INPP5D: variants seen among roughly 807,000 people sequenced by gnomAD.
INPP5D encodes the protein inositol polyphosphate-5-phosphatase D.
Under a neutral mutation model 122.9 loss-of-function variants are expected in INPP5D, and 33 were observed. That is an observed-to-expected ratio of 0.27 (90% CI 0.20 to 0.36). INPP5D has a LOEUF of 0.36. INPP5D is among the 10% of genes least tolerant of loss of function. The probability of loss-of-function intolerance (pLI) is 1.00; values close to 1 mark genes in which losing one functional copy is unlikely to be tolerated. For missense variants in INPP5D, 1,053 were observed against 1,412.7 expected (o/e 0.75, Z 4.08); for synonymous variants, 584 against 576.2 (o/e 1.01, Z -0.19).
intron 2 of INPP5D, among the ~76,000 whole-genome samples, chr2:233,088,710 C>T (rs1029707330): frequency 3.3e-5 from 5 of 152,220 alleles, no homozygotes; most frequent in South Asian, 2.1e-4. Flanking sequence ...CCAGTCAGCT[C>T]GCTGACACCA....
In INPP5D at chr2:233,183,815, C is replaced by T. The variant is rs1023128001; in HGVS notation, c.2162-593C>T. 1.3e-5 allele frequency among the ~76,000 whole-genome samples: 2 copies of T among 152,168 alleles called. No individual in the cohort carries two copies. The highest frequency in any genetic ancestry group is 4.8e-5 in the African/African-American group (2 of 41,432). On this transcript the variant is annotated intron_variant, in intron 19 of 26. Transcript: ENST00000445964. This position sits in a 1 kb window ranked among gnomAD's most constrained non-coding sequence, Gnocchi z 4.6. Reference sequence around the variant, plus strand: ...GAAGGAAAGGTTTGTTCATGGTCTCCGAACAAGTCTCTGTTCTGTGGCTCA... The same window carrying T: ...GAAGGAAAGGTTTGTTCATGGTCTCTGAACAAGTCTCTGTTCTGTGGCTCA...
At position 233,160,044 on chromosome 2, in the gene INPP5D, T is replaced by C. The variant is rs1694162161; in HGVS notation, c.1137+1625T>C. On this transcript the variant is annotated intron_variant, in intron 10 of 26. Coordinates refer to ENST00000445964, the MANE Select transcript of INPP5D (RefSeq NM_001017915.3). This position sits in a 1 kb window ranked among gnomAD's most constrained non-coding sequence, Gnocchi z 4.2. The stretch of plus-strand genomic sequence containing the variant: ...CCTGGGCATAGGTTCAAACACCAGC[T>C]CTGCCCCATTGCTGCGACCTCAAAA... Among the ~76,000 whole-genome samples the C allele has an allele frequency of 6.6e-6, 1 of 152,188 alleles. No homozygotes were observed. Among genetic ancestry groups the C allele is most frequent in the Admixed American group, 6.5e-5 (1 of 15,272 alleles).
chr2:233,104,128 A>C (rs550620594), intron 2 of INPP5D, among the ~76,000 whole-genome samples: 1 of 146,574 alleles, frequency 6.8e-6, no homozygotes, highest in Non-Finnish European at 1.5e-5. Flanking sequence ...CTCCTGCCTC[A>C]GCCTCTCAAG....
chr2:233,138,217 G>T (rs1413838885), intron 5 of INPP5D, among the ~76,000 whole-genome samples: 1 of 149,556 alleles, frequency 6.7e-6, no homozygotes, highest in Non-Finnish European at 1.5e-5. Flanking sequence ...GGGCGTGGTG[G>T]TGTATGCCTG....
intron 2 of INPP5D, among the ~76,000 whole-genome samples, chr2:233,093,458 A>G (rs1459899003): frequency 1.3e-5 from 2 of 152,132 alleles, no homozygotes; most frequent in African/African-American, 4.8e-5. Context: ...AGGCAGGCAG[A>G]TCATTTGAGG....
At chr2:233,086,119 C>CTCTTTCTTTCTT (rs10539341) in intron 2 of INPP5D, among the ~76,000 whole-genome samples, 10,286 of 93,832 alleles carry the variant, frequency 0.11, 1,138 homozygotes, top group Non-Finnish European at 0.13. Flanking sequence ...ATAAGATAGC[C>CTCTTTCTTTCTT]TCTTTCTTTC....
At chr2:233,156,163 T>G (rs1334363672) in intron 9 of INPP5D, among the ~76,000 whole-genome samples, 1 of 152,248 alleles carries the variant, frequency 6.6e-6, no homozygotes, top group African/African-American at 2.4e-5. Context: ...AAGGGGCCAC[T>G]GGGCATAGTT....
At chr2:233,130,669 G>C in intron 5 of INPP5D, 21 bp downstream of exon 5, 1 of 1,613,568 alleles carries the variant, frequency 6.2e-7, no homozygotes, top group African/African-American at 1.3e-5. Flanking sequence ...GCCCACGGGG[G>C]CGGGCAGGTG....
chr2:233,187,665 C>A (rs73111451), intron 21 of INPP5D, among the ~76,000 whole-genome samples: 4,548 of 152,288 alleles, frequency 0.03, 202 homozygotes, highest in African/African-American at 0.1. Flanking sequence ...TCAGAGGCTG[C>A]GGCCAGCTCA....
intron 11 of INPP5D, 39 bp downstream of exon 11, chr2:233,161,865 G>T (rs1694207766): frequency 1.3e-6 from 2 of 1,586,662 alleles, no homozygotes; most frequent in Admixed American, 3.6e-5. Context: ...CACCCCCTCT[G>T]CTTCTGCTTT....
In INPP5D at chr2:233,164,437, G is replaced by C. The variant is rs144387809; in HGVS notation, c.1555+13G>C. ...GCAAACACACTGGGTGAGCAGGGCG[G>C]GGACCCTGTGTTCCTCCCACACCCT... is the stretch of plus-strand genomic sequence containing the variant. On this transcript the variant is annotated intron_variant, in intron 13 of 26. Transcript: ENST00000445964. The surrounding 1 kb of genome is among the most constrained non-coding windows in gnomAD (Gnocchi z 4.3). 2,233 of 1,540,386 alleles carry C rather than the reference G, an allele frequency of 1.4e-3. 20 individuals are homozygous for C. The East Asian group carries it at 0.024, about 17-fold the overall frequency.
chr2:233,141,775 G>A (rs970900206), intron 6 of INPP5D, among the ~76,000 whole-genome samples: 84 of 152,222 alleles, frequency 5.5e-4, no homozygotes, highest in Middle Eastern at 6.8e-3. Context: ...AGATGGGAAG[G>A]ATTTAAACCC....
At chr2:233,149,814 G>A (rs947410278) in intron 9 of INPP5D, among the ~76,000 whole-genome samples, 1 of 152,100 alleles carries the variant, frequency 6.6e-6, no homozygotes, top group Non-Finnish European at 1.5e-5. Flanking sequence ...GCATCTTGCA[G>A]GGCTCTCATG....
At chr2:233,137,248 C>A (rs1693486997) in intron 5 of INPP5D, among the ~76,000 whole-genome samples, 1 of 151,050 alleles carries the variant, frequency 6.6e-6, no homozygotes, top group Non-Finnish European at 1.5e-5. Flanking sequence ...AAAGATGAGT[C>A]AACAAAAAGA....
chr2:233,165,007 G>C (rs1270396562), intron 13 of INPP5D, among the ~76,000 whole-genome samples: 1 of 152,216 alleles, frequency 6.6e-6, no homozygotes, highest in Non-Finnish European at 1.5e-5. Context: ...TGGTGTCAGT[G>C]GAGAGTTGCT....
intron 20 of INPP5D, 78 bp downstream of exon 20, chr2:233,184,599 G>T: frequency 6.4e-7 from 1 of 1,551,162 alleles, no homozygotes; most frequent in Non-Finnish European, 8.7e-7. Flanking sequence ...TTGGCACTTT[G>T]CCCCATATCT....
At chr2:233,153,544 A>G (rs1693976272) in intron 9 of INPP5D, among the ~76,000 whole-genome samples, 3 of 152,228 alleles carry the variant, frequency 2.0e-5, no homozygotes, top group Non-Finnish European at 4.4e-5. Flanking sequence ...CAGGTGGAAG[A>G]AAAAACAGAG....
At chr2:233,167,492 G>T (rs1694375258) in intron 13 of INPP5D, among the ~76,000 whole-genome samples, 1 of 152,216 alleles carries the variant, frequency 6.6e-6, no homozygotes, top group Non-Finnish European at 1.5e-5. Context: ...AATGTGGTGG[G>T]CAGGGATTGA....
chr2:233,132,674 C>A (rs1037991909), intron 5 of INPP5D, among the ~76,000 whole-genome samples: 1 of 152,176 alleles, frequency 6.6e-6, no homozygotes, highest in Non-Finnish European at 1.5e-5. Context: ...AAATTGTAAA[C>A]CCATAATTTT....
Sources: allele counts gnomAD v4.1 joint callset (sites outside exome capture counted in the v4.1 genomes callset), GRCh38; gene constraint gnomAD v4.1.1; non-coding constraint Gnocchi (gnomAD v3.1); transcripts MANE v1.5; gene names NCBI Gene and HGNC (gene_info 2026-07-23, HGNC 2026-07-21).